ZNF195: variants seen among roughly 807,000 people sequenced by gnomAD.
The protein encoded by ZNF195 is zinc finger protein 195, also known as hypoxia-regulated factor-1.
Under a neutral mutation model 19.5 loss-of-function variants are expected in ZNF195, and 11 were observed. The observed-to-expected ratio is 0.57, with a 90% CI of 0.36 to 0.94. The LOEUF is 0.94. Among genes scored for constraint, ZNF195 ranks in the 40% least tolerant of loss-of-function variants. ZNF195 has a pLI of 0.01. For synonymous variants in ZNF195, 214 were observed against 248.1 expected (o/e 0.86, Z 1.29); for missense variants, 582 against 709.0 (o/e 0.82, Z 2.03).
intron 1 of ZNF195, among the ~76,000 whole-genome samples, chr11:3,375,309 A>T (rs893468501): frequency 1.3e-5 from 2 of 152,164 alleles, no homozygotes; most frequent in African/African-American, 4.8e-5. Context: ...ATTTTAATCT[A>T]TTTTGGCCAC....
intron 1 of ZNF195, among the ~76,000 whole-genome samples, chr11:3,372,416 T>C (rs1849255605): frequency 6.6e-6 from 1 of 152,246 alleles, no homozygotes; most frequent in Non-Finnish European, 1.5e-5. Context: ...TAATATCAAC[T>C]GTAATAGGAC....
intron 1 of ZNF195, chr11:3,377,605 C>T: frequency 8.3e-7 from 1 of 1,202,754 alleles, no homozygotes; most frequent in Non-Finnish European, 1.1e-6. Context: ...TCTTAATGTC[C>T]TAAGTGGTTA....
At chr11:3,361,343 A>C (rs1281666809) in intron 4 of ZNF195, among the ~76,000 whole-genome samples, 1 of 152,234 alleles carries the variant, frequency 6.6e-6, no homozygotes, top group Non-Finnish European at 1.5e-5. Context: ...TATTAGGGTC[A>C]CATGGCATAA....
In ZNF195 at chr11:3,379,103, G is replaced by C; in HGVS notation, c.-63C>G. 6.8e-7 allele frequency: 1 copy of C among 1,467,602 alleles called. No individual in the cohort carries two copies. The highest frequency in any genetic ancestry group is 1.4e-5 in the South Asian group (1 of 71,512). 90.9% of individuals were successfully genotyped at this position (1,467,602 alleles called of 1,614,324 possible). On this transcript the variant is annotated 5_prime_UTR_variant, in exon 1 of 6. Transcript: ENST00000399602. ...ATCTCCCGGTGCCTGCGGGTCACAC[G>C]ACCTACGGCTAGCAGGGGACACAGA... is the stretch of plus-strand genomic sequence containing the variant.
intron 1 of ZNF195, chr11:3,373,595 T>A (rs1452717794): frequency 1.5e-5 from 23 of 1,550,808 alleles, no homozygotes; most frequent in Non-Finnish European, 2.0e-5. Context: ...CAGCCATTTC[T>A]TTCTCTTTCT....
At chr11:3,378,355 C>G (rs1467438446) in intron 1 of ZNF195, among the ~76,000 whole-genome samples, 1 of 127,730 alleles carries the variant, frequency 7.8e-6, no homozygotes. Flanking sequence ...TGAGGTGGCT[C>G]TAGTGCCCTG....
Position 3,358,349 on chromosome 11 carries a change from A to G in ZNF195, c.*769T>C, listed in dbSNP as rs1249249127. The G allele has an allele frequency of 6.6e-6, 1 of 152,184 alleles. No individual in the cohort carries two copies. Among genetic ancestry groups the G allele is most frequent in the Non-Finnish European group, 1.5e-5 (1 of 68,038 alleles). The allele number at this position is 152,184 out of a possible 1,614,324, so 9.4% of individuals were successfully genotyped here. A position where few individuals can be genotyped will look rare whatever the true frequency, so the allele number is the denominator to read the frequency against. Reference sequence around the variant, plus strand: ...GAGTATTATTCTAAACACCTATCTCATAAATCACTTACAAGTATATAAAAC... The same window carrying G: ...GAGTATTATTCTAAACACCTATCTCGTAAATCACTTACAAGTATATAAAAC... On this transcript the variant is annotated 3_prime_UTR_variant, in exon 6 of 6. Transcript: ENST00000399602.
At position 3,360,570 on chromosome 11, in the gene ZNF195, A is replaced by T; in HGVS notation, c.443-5T>A. The T allele has an allele frequency of 1.1e-6, 1 of 909,852 alleles. No homozygotes were observed. Among genetic ancestry groups the T allele is most frequent in the South Asian group, 2.0e-5 (1 of 49,542 alleles). The allele number at this position is 909,852 out of a possible 1,614,324, so 56.4% of individuals were successfully genotyped here. ...GGGTAAAATGAGAAGACATAGCTGAAAAAAAAAAAAAAAGTTATCCGACTT... is the reference window on the plus strand; with the variant it reads ...GGGTAAAATGAGAAGACATAGCTGATAAAAAAAAAAAAAGTTATCCGACTT... On this transcript the variant is annotated splice_region_variant and splice_polypyrimidine_tract_variant and intron_variant, in intron 5 of 5. Coordinates refer to ENST00000399602, the MANE Select transcript of ZNF195 (RefSeq NM_001130520.3).
In ZNF195 at chr11:3,358,390, C is replaced by T. The variant is rs1589797494; in HGVS notation, c.*728G>A. 6.6e-6 allele frequency: 1 copy of T among 152,206 alleles called. No individual in the cohort carries two copies. The highest frequency in any genetic ancestry group is 1.9e-4 in the East Asian group (1 of 5,186). 9.4% of individuals were successfully genotyped at this position (152,206 alleles called of 1,614,324 possible). A position where few individuals can be genotyped will look rare whatever the true frequency, so the allele number is the denominator to read the frequency against. Reference sequence around the variant, plus strand: ...TATATAAAACAACCACAAAGAGCCTCTCTACCAAGATTTTACTCACGCATC... The same window carrying T: ...TATATAAAACAACCACAAAGAGCCTTTCTACCAAGATTTTACTCACGCATC... On this transcript the variant is annotated 3_prime_UTR_variant, in exon 6 of 6. Coordinates refer to ENST00000399602, the MANE Select transcript of ZNF195 (RefSeq NM_001130520.3).
intron 1 of ZNF195, among the ~76,000 whole-genome samples, chr11:3,372,778 C>A (rs934254012): frequency 7.2e-5 from 11 of 152,250 alleles, no homozygotes; most frequent in Non-Finnish European, 1.5e-4. Flanking sequence ...GTAGCCCAGG[C>A]TGGAGTGCAG....
chr11:3,373,759 G>A (rs1045868956), intron 1 of ZNF195: 14 of 819,872 alleles, frequency 1.7e-5, no homozygotes, highest in Middle Eastern at 4.6e-4. Flanking sequence ...AAAAGTCCAC[G>A]CTTTTCTGTT....
At chr11:3,377,485 A>G in intron 1 of ZNF195, 1 of 752,014 alleles carries the variant, frequency 1.3e-6, no homozygotes, top group Non-Finnish European at 1.7e-6. Flanking sequence ...CACAAATCTG[A>G]GAGTCCAAAG....
In ZNF195 at chr11:3,358,255, A is replaced by C. The variant is rs1466607108; in HGVS notation, c.*863T>G. ...GCCCTGGGGTAGCTGTGCAGAGAGC[A>C]CAAGGGACCGTATTGTAAGTCCTGT... On this transcript the variant is annotated 3_prime_UTR_variant, in exon 6 of 6. Transcript: ENST00000399602. The C allele has an allele frequency of 6.6e-6, 1 of 152,264 alleles. No homozygotes were observed. Among genetic ancestry groups the C allele is most frequent in the Non-Finnish European group, 1.5e-5 (1 of 68,090 alleles). The allele number at this position is 152,264 out of a possible 1,614,324, so 9.4% of individuals were successfully genotyped here.
chr11:3,363,550 T>C (rs1196456291), intron 3 of ZNF195, among the ~76,000 whole-genome samples: 2 of 152,234 alleles, frequency 1.3e-5, no homozygotes, highest in Non-Finnish European at 2.9e-5. Context: ...CATGCTCTTG[T>C]TCAAAGGTTG....
chr11:3,372,344 G>GA (rs1030566047), intron 1 of ZNF195, among the ~76,000 whole-genome samples: 1 of 152,066 alleles, frequency 6.6e-6, no homozygotes, highest in Non-Finnish European at 1.5e-5. Flanking sequence ...ACTTAAAAGA[G>GA]AAAAAAATAA....
intron 3 of ZNF195, among the ~76,000 whole-genome samples, chr11:3,369,795 G>A (rs940332707): frequency 6.6e-6 from 1 of 152,152 alleles, no homozygotes; most frequent in African/African-American, 2.4e-5. Flanking sequence ...GTAAGTTTGG[G>A]GAATCTAATG....
In ZNF195 at chr11:3,371,082, G is replaced by C. The variant is rs1256925417; in HGVS notation, c.131-12C>G. On this transcript the variant is annotated splice_polypyrimidine_tract_variant and intron_variant, in intron 2 of 5. Coordinates refer to ENST00000399602, the MANE Select transcript of ZNF195 (RefSeq NM_001130520.3). ...ACAGACAGTGAGACCTGTTTTATTA[G>C]AAAAAAGTGACATTACTCTTGCTGA... 2.5e-6 allele frequency: 4 copies of C among 1,608,188 alleles called. No homozygotes were observed. The Admixed American group carries it at 5.1e-5, about 20-fold the overall frequency.
chr11:3,369,130 G>A, intron 3 of ZNF195: 1 of 274,750 alleles, frequency 3.6e-6, no homozygotes, highest in Non-Finnish European at 7.3e-6. Context: ...ATACTAGGAT[G>A]GCTAATATCA....
chr11:3,359,641 T>C lies in ZNF195; in HGVS notation c.1367A>G (p.His456Arg). The C allele has an allele frequency of 6.2e-7, 1 of 1,614,192 alleles. No homozygotes were observed. Among genetic ancestry groups the C allele is most frequent in the Non-Finnish European group, 8.5e-7 (1 of 1,180,020 alleles). The change falls in exon 6 of 6, where the codon CAC becomes CGC. Residue 456 changes from histidine to arginine, a missense_variant. This residue lies in a region of ZNF195 where 407 missense variants were observed against 530.5 expected (regional missense o/e 0.77). Transcript: ENST00000399602. The surrounding 1 kb of genome is among the most constrained non-coding windows in gnomAD (Gnocchi z 5.5). ...AYTQSSHLSE[H>R]RRIHTGEKPY... ...TTTCTCTCCGGTGTGAATCCTCCTG[T>C]GTTCACTGAGGTGTGAGGACTGTGT...
Sources: allele counts gnomAD v4.1 joint callset (sites outside exome capture counted in the v4.1 genomes callset), GRCh38; gene constraint gnomAD v4.1.1; regional missense constraint gnomAD v4.1.1; non-coding constraint Gnocchi (gnomAD v3.1); transcripts MANE v1.5; gene names NCBI Gene and HGNC (gene_info 2026-07-23, HGNC 2026-07-21).